Variants in ZNF710 observed in about 807,000 individuals in gnomAD.
ZNF710 encodes the protein zinc finger protein 710.
A neutral mutation model predicts 50.6 loss-of-function variants in ZNF710; 13 were observed. The observed-to-expected ratio is 0.26, with a 90% CI of 0.17 to 0.41. The LOEUF (loss-of-function observed/expected upper bound fraction) is 0.41. Among genes scored for constraint, ZNF710 ranks in the 10% least tolerant of loss-of-function variants. The probability of loss-of-function intolerance (pLI) is 1.00; values close to 1 mark genes in which losing one functional copy is unlikely to be tolerated. For synonymous variants in ZNF710, 383 were observed against 397.0 expected (o/e 0.96, Z 0.42); for missense variants, 721 against 936.6 (o/e 0.77, Z 3.01).
intron 1 of ZNF710, among the ~76,000 whole-genome samples, chr15:90,014,110 C>T (rs1898386180): frequency 6.6e-6 from 1 of 151,958 alleles, no homozygotes; most frequent in Admixed American, 6.6e-5. Flanking sequence ...GCCCAAGCAC[C>T]CCCGGTCTTG....
At chr15:90,035,782 AGGACTGGCTAC>A (rs1899104765) in intron 1 of ZNF710, among the ~76,000 whole-genome samples, 1 of 152,272 alleles carries the variant, frequency 6.6e-6, no homozygotes, top group Non-Finnish European at 1.5e-5. Flanking sequence ...AAGGTCAGCC[AGGACTGGCTAC>A]ATAATTTTCA....
At chr15:90,008,866 T>G (rs1247124346) in intron 1 of ZNF710, among the ~76,000 whole-genome samples, 1 of 152,180 alleles carries the variant, frequency 6.6e-6, no homozygotes, top group Admixed American at 6.5e-5. Context: ...GTGTGTTTAT[T>G]TCTGGGAGAA....
intron 1 of ZNF710, among the ~76,000 whole-genome samples, chr15:90,019,600 T>A (rs1898554713): frequency 6.6e-6 from 1 of 152,220 alleles, no homozygotes; most frequent in Non-Finnish European, 1.5e-5. Context: ...TTTCCTAATG[T>A]TTCTCACGGG....
intron 1 of ZNF710, among the ~76,000 whole-genome samples, chr15:90,053,620 G>A (rs1157948725): frequency 1.3e-5 from 2 of 152,168 alleles, no homozygotes; most frequent in Admixed American, 6.5e-5. Context: ...GATTATGGGT[G>A]TGAGCCCCTG....
intron 1 of ZNF710, among the ~76,000 whole-genome samples, chr15:90,061,702 A>C (rs1372376772): frequency 6.6e-6 from 1 of 152,164 alleles, no homozygotes; most frequent in African/African-American, 2.4e-5. Flanking sequence ...CATGAGAGGA[A>C]AGGAGCACTG....
Position 90,067,440 on chromosome 15 carries a change from A to C in ZNF710, c.303A>C (p.Pro101=). 1 of 1,609,564 alleles carries C rather than the reference A, an allele frequency of 6.2e-7. No individual in the cohort carries two copies. Among genetic ancestry groups the C allele is most frequent in the East Asian group, 2.2e-5 (1 of 44,708 alleles). Residue 101 remains proline, a synonymous_variant, in exon 2 of 5, where the codon CCA becomes CCC. Transcript: ENST00000268154. The surrounding 1 kb of genome is among the most constrained non-coding windows in gnomAD (Gnocchi z 8.1). ...CEKHTRRKTR[P]PVRLVPKVKF... is the part of the protein sequence containing the mutation. ...AGCACACCCGGCGGAAGACGCGGCC[A>C]CCTGTGCGGTTGGTGCCCAAGGTCA...
chr15:90,023,591 G>C (rs1486137663), intron 1 of ZNF710, among the ~76,000 whole-genome samples: 1 of 152,226 alleles, frequency 6.6e-6, no homozygotes, highest in East Asian at 1.9e-4. Context: ...GGCTGAGGCA[G>C]GAAGATCTCT....
At chr15:90,063,661 C>T (rs1900079888) in intron 1 of ZNF710, among the ~76,000 whole-genome samples, 1 of 152,078 alleles carries the variant, frequency 6.6e-6, no homozygotes, top group Admixed American at 6.5e-5. Flanking sequence ...TAAGGAGTGG[C>T]CCCTTGTAGA....
At chr15:90,016,037 C>T (rs548064644) in intron 1 of ZNF710, among the ~76,000 whole-genome samples, 23 of 152,280 alleles carry the variant, frequency 1.5e-4, no homozygotes, top group African/African-American at 4.3e-4. Flanking sequence ...GCAGTAGCTC[C>T]GCAAGGATAT....
At chr15:90,008,445 T>TATATATATACATATATATATATAC (rs1567218440) in intron 1 of ZNF710, among the ~76,000 whole-genome samples, 2 of 142,312 alleles carry the variant, frequency 1.4e-5, no homozygotes, top group African/African-American at 5.6e-5. Flanking sequence ...TATATACATA[T>TATATATATACATATATATATATAC]ATATATATGT....
At chr15:90,024,798 C>T (rs924693377) in intron 1 of ZNF710, among the ~76,000 whole-genome samples, 6 of 152,220 alleles carry the variant, frequency 3.9e-5, no homozygotes, top group Non-Finnish European at 8.8e-5. Flanking sequence ...CACCTCCTCT[C>T]CTGAGCTGCC....
chr15:90,047,045 G>A (rs1261100472), intron 1 of ZNF710, among the ~76,000 whole-genome samples: 10 of 152,348 alleles, frequency 6.6e-5, no homozygotes, highest in East Asian at 1.9e-4. Context: ...GGGCAAGAAC[G>A]TCTCCTTACG....
At chr15:90,064,204 C>T (rs72758618) in intron 1 of ZNF710, among the ~76,000 whole-genome samples, 14,392 of 152,332 alleles carry the variant, frequency 0.094, 802 homozygotes, top group South Asian at 0.12. Context: ...TCAGCGTGCT[C>T]TGCAAAACTG....
intron 3 of ZNF710, 139 bp downstream of exon 3, chr15:90,073,401 T>G: frequency 9.9e-7 from 1 of 1,006,836 alleles, no homozygotes; most frequent in Non-Finnish European, 1.4e-6. Context: ...AAACTTAGCC[T>G]GGGCTTTGGG....
chr15:90,042,254 C>T (rs536909109), intron 1 of ZNF710, among the ~76,000 whole-genome samples: 12 of 152,040 alleles, frequency 7.9e-5, no homozygotes, highest in South Asian at 2.1e-4. Flanking sequence ...TTGTTGGGTT[C>T]GGAGGCCCTC....
At chr15:90,004,368 G>A (rs903947080) in intron 1 of ZNF710, among the ~76,000 whole-genome samples, 1 of 152,234 alleles carries the variant, frequency 6.6e-6, no homozygotes. Flanking sequence ...AGCGCATCTT[G>A]GAGGAGACAA....
intron 1 of ZNF710, among the ~76,000 whole-genome samples, chr15:90,003,102 C>T (rs1898055989): frequency 6.6e-6 from 1 of 152,216 alleles, no homozygotes; most frequent in African/African-American, 2.4e-5. Flanking sequence ...TCTCAAACTC[C>T]TGACCTCGTG....
intron 1 of ZNF710, among the ~76,000 whole-genome samples, chr15:90,043,373 C>G (rs1899359716): frequency 6.6e-6 from 1 of 152,208 alleles, no homozygotes; most frequent in Admixed American, 6.5e-5. Flanking sequence ...TTGGCTCACC[C>G]AGGACCCTAT....
At position 90,065,714 on chromosome 15, in the gene ZNF710, A is replaced by G. The variant is rs116660111; in HGVS notation, c.-28-1396A>G. Reference sequence around the variant, plus strand: ...AGAGGCCGCTGTGCTGGGGGTTTGTACCTGGGCACGTGGGCACATTGGCAC... The same window carrying G: ...AGAGGCCGCTGTGCTGGGGGTTTGTGCCTGGGCACGTGGGCACATTGGCAC... On this transcript the variant is annotated intron_variant, in intron 1 of 4. Coordinates refer to ENST00000268154, the MANE Select transcript of ZNF710 (RefSeq NM_198526.4). 5.7e-3 allele frequency among the ~76,000 whole-genome samples: 870 copies of G among 152,306 alleles called. 6 individuals carry two copies. The highest frequency in any genetic ancestry group is 0.017 in the African/African-American group (696 of 41,562).
Sources: gnomAD v4.1 joint callset for allele counts (sites outside exome capture counted in the v4.1 genomes callset) on GRCh38, gnomAD v4.1.1 for gene constraint, Gnocchi (gnomAD v3.1) non-coding constraint, MANE v1.5 for transcripts, NCBI Gene and HGNC (gene_info 2026-07-23, HGNC 2026-07-21) for gene names.